FGF14: variants seen among roughly 807,000 people sequenced by gnomAD.
The protein encoded by FGF14 is fibroblast growth factor homologous factor 4.
Under a neutral mutation model 25.5 loss-of-function variants are expected in FGF14, and 5 were observed. That is an observed-to-expected ratio of 0.20 (90% confidence interval 0.10 to 0.41). The LOEUF (loss-of-function observed/expected upper bound fraction) is 0.41, where lower values mean the gene tolerates loss of function less well. FGF14 is among the 10% of genes least tolerant of loss of function. FGF14 has a pLI of 1.00. For missense variants in FGF14, 222 were observed against 320.1 expected, an observed-to-expected ratio of 0.69 and a Z score of 2.34; for synonymous variants, 138 against 118.3, an observed-to-expected ratio of 1.17 and a Z score of -1.08.
intron 3 of FGF14, among the ~76,000 whole-genome samples, chr13:101,842,006 G>T (rs945227372): frequency 1.3e-5 from 2 of 151,894 alleles, no homozygotes; most frequent in African/African-American, 4.8e-5. Context: ...AATGTATTCA[G>T]TTTTAAAATA....
In FGF14 at chr13:102,176,389, C is replaced by T. The variant is rs116080973; in HGVS notation, c.208+225082G>A. Among the ~76,000 whole-genome samples, 669 of 151,920 alleles carry T rather than the reference C, an allele frequency of 4.4e-3. 5 individuals are homozygous for T. Among genetic ancestry groups the T allele is most frequent in the South Asian group, 0.03 (145 of 4,796 alleles). ...CAATGGGTACACATGAATAGAAAGACGGAAATAATTGACACTGGTAACTCC... is the reference window on the plus strand; with the variant it reads ...CAATGGGTACACATGAATAGAAAGATGGAAATAATTGACACTGGTAACTCC... On this transcript the variant is annotated intron_variant, in intron 1 of 4. Transcript: ENST00000376131.
At chr13:102,050,366 A>C (rs1322150149) in intron 1 of FGF14, among the ~76,000 whole-genome samples, 2 of 152,140 alleles carry the variant, frequency 1.3e-5, no homozygotes, top group Non-Finnish European at 2.9e-5. Flanking sequence ...TTGGAGTCAC[A>C]CTTTATGGTC....
chr13:102,066,176 T>A (rs955069094), intron 1 of FGF14, among the ~76,000 whole-genome samples: 1 of 152,130 alleles, frequency 6.6e-6, no homozygotes, highest in Non-Finnish European at 1.5e-5. Context: ...TCCATACCAA[T>A]TATTATAGTA....
chr13:101,778,614 A>C (rs1459296467), intron 3 of FGF14, among the ~76,000 whole-genome samples: 1 of 151,938 alleles, frequency 6.6e-6, no homozygotes, highest in Non-Finnish European at 1.5e-5. Flanking sequence ...CCCATGGTCA[A>C]ATGTTTGTCA....
At chr13:102,209,577 G>A (rs947197301) in intron 1 of FGF14, among the ~76,000 whole-genome samples, 2 of 152,170 alleles carry the variant, frequency 1.3e-5, no homozygotes, top group Non-Finnish European at 2.9e-5. Context: ...GAGAGCATGA[G>A]AGCAATTCTC....
intron 1 of FGF14, among the ~76,000 whole-genome samples, chr13:101,999,630 T>C (rs1007080917): frequency 1.3e-5 from 2 of 152,202 alleles, no homozygotes; most frequent in Admixed American, 6.5e-5. Flanking sequence ...TAGAATTCCA[T>C]GCCATGCACT....
At chr13:101,799,441 C>A (rs1045870053) in intron 3 of FGF14, among the ~76,000 whole-genome samples, 15 of 151,974 alleles carry the variant, frequency 9.9e-5, no homozygotes, top group African/African-American at 3.6e-4. Context: ...AGGCAAGTGC[C>A]CTGCTGAGGT....
At chr13:101,827,291 G>A (rs528550446) in intron 3 of FGF14, among the ~76,000 whole-genome samples, 55 of 152,020 alleles carry the variant, frequency 3.6e-4, no homozygotes, top group Non-Finnish European at 6.3e-4. Context: ...AATGCACATA[G>A]CTTGGTGTTA....
At position 102,251,131 on chromosome 13, in the gene FGF14, A is replaced by C. The variant is rs1206019351; in HGVS notation, c.208+150340T>G. 5.9e-5 allele frequency among the ~76,000 whole-genome samples: 9 copies of C among 152,176 alleles called. No homozygotes were observed. The South Asian group carries it at 1.9e-3, about 32-fold the overall frequency. On this transcript the variant is annotated intron_variant, in intron 1 of 4. Coordinates refer to the FGF14 transcript ENST00000376131. ...CATTATAAACATGAATGCTATATTC[A>C]TTATATTTGATGAATTCATTATATT...
intron 1 of FGF14, among the ~76,000 whole-genome samples, chr13:101,885,716 A>T (rs1474087604): frequency 6.6e-6 from 1 of 151,820 alleles, no homozygotes; most frequent in Non-Finnish European, 1.5e-5. Flanking sequence ...AAAAAAAAAA[A>T]ACTGCAGGGT....
At chr13:101,834,900 G>A (rs1167451938) in intron 3 of FGF14, among the ~76,000 whole-genome samples, 1 of 152,030 alleles carries the variant, frequency 6.6e-6, no homozygotes, top group African/African-American at 2.4e-5. Flanking sequence ...TCTTAACCAA[G>A]TCAAAGCAAA....
At chr13:101,753,124 CT>C (rs2037399402) in intron 3 of FGF14, among the ~76,000 whole-genome samples, 1 of 152,020 alleles carries the variant, frequency 6.6e-6, no homozygotes, top group Admixed American at 6.6e-5. Context: ...TGAAGGAATT[CT>C]TTTGGAATTA....
At chr13:102,004,171 G>T (rs1001520333) in intron 1 of FGF14, among the ~76,000 whole-genome samples, 1 of 152,146 alleles carries the variant, frequency 6.6e-6, no homozygotes, top group African/African-American at 2.4e-5. Flanking sequence ...CAGGTTGGAA[G>T]GTAAAGTATA....
At chr13:101,844,078 C>T (rs1183736463) in intron 3 of FGF14, among the ~76,000 whole-genome samples, 1 of 151,910 alleles carries the variant, frequency 6.6e-6, no homozygotes, top group African/African-American at 2.4e-5. Flanking sequence ...GATATAAGCC[C>T]TTTCAACTAC....
intron 3 of FGF14, among the ~76,000 whole-genome samples, chr13:101,738,602 G>A (rs1282712704): frequency 6.6e-6 from 1 of 152,046 alleles, no homozygotes; most frequent in African/African-American, 2.4e-5. Context: ...ATACCTTCTG[G>A]GGAAAGAGAG....
In FGF14 at chr13:102,266,210, T is replaced by C. The variant is rs139391101; in HGVS notation, c.208+135261A>G. ...GCTCAACTTCTACTTCCCAGAACAG[T>C]AGAAGAGGCTGACTAAAGGTGAATG... On this transcript the variant is annotated intron_variant, in intron 1 of 4. Transcript: ENST00000376131. Among the ~76,000 whole-genome samples the C allele has an allele frequency of 4.2e-3, 644 of 152,284 alleles. 17 individuals carry two copies. The highest frequency in any genetic ancestry group is 0.032 in the East Asian group (165 of 5,178).
chr13:102,213,342 C>T (rs2050238400), intron 1 of FGF14, among the ~76,000 whole-genome samples: 1 of 152,180 alleles, frequency 6.6e-6, no homozygotes, highest in Admixed American at 6.5e-5. Flanking sequence ...TTAAAAATAA[C>T]ATAATTCCTC....
At chr13:102,016,519 T>TA (rs1348063594) in intron 1 of FGF14, among the ~76,000 whole-genome samples, 1 of 152,212 alleles carries the variant, frequency 6.6e-6, no homozygotes, top group Non-Finnish European at 1.5e-5. Flanking sequence ...ATGTGAGCTG[T>TA]ATTGTACAGG....
At chr13:101,941,992 T>C (rs1264459473) in intron 1 of FGF14, among the ~76,000 whole-genome samples, 2 of 152,216 alleles carry the variant, frequency 1.3e-5, no homozygotes, top group East Asian at 3.8e-4. Context: ...ACTATCTTAA[T>C]AGGAATTGTT....
Sources: gnomAD v4.1 joint callset for allele counts (sites outside exome capture counted in the v4.1 genomes callset) on GRCh38, gnomAD v4.1.1 for gene constraint, MANE v1.5 for transcripts, NCBI Gene and HGNC (gene_info 2026-07-23, HGNC 2026-07-21) for gene names.